Variants in KIF5A observed in about 807,000 individuals in gnomAD.
KIF5A encodes the protein kinesin family member 5A.
KIF5A carries 35 observed loss-of-function variants against 141.3 expected under a neutral mutation model. The observed-to-expected ratio is 0.25, with a 90% CI of 0.19 to 0.33. The LOEUF is 0.33. KIF5A is among the 10% of genes least tolerant of loss of function. KIF5A has a pLI of 1.00. For missense variants in KIF5A, 861 were observed against 1,314.3 expected, an observed-to-expected ratio of 0.66 and a Z score of 5.33; for synonymous variants, 448 against 500.2, an observed-to-expected ratio of 0.90 and a Z score of 1.39.
At chr12:57,560,373 T>G (rs1004972249) in intron 1 of KIF5A, among the ~76,000 whole-genome samples, 1 of 152,216 alleles carries the variant, frequency 6.6e-6, no homozygotes, top group Non-Finnish European at 1.5e-5. Flanking sequence ...TTCCATGATA[T>G]CAATTCTTAG....
chr12:57,571,081 A>G (rs1202924243), intron 12 of KIF5A, among the ~76,000 whole-genome samples: 1 of 151,564 alleles, frequency 6.6e-6, no homozygotes, highest in Non-Finnish European at 1.5e-5. Context: ...GATTAAAGGC[A>G]TGCACCACCA....
chr12:57,554,021 T>C (rs1881659332), intron 1 of KIF5A, among the ~76,000 whole-genome samples: 1 of 151,556 alleles, frequency 6.6e-6, no homozygotes, highest in African/African-American at 2.4e-5. Context: ...GGGATTGAGG[T>C]TGGAAAAAGG....
intron 27 of KIF5A, 168 bp from the exon 28 acceptor site, chr12:57,582,933 G>C: frequency 2.9e-6 from 2 of 695,284 alleles, no homozygotes; most frequent in Non-Finnish European, 5.1e-6. Flanking sequence ...TGTGACATTG[G>C]ACAAGTCATT....
chr12:57,550,998 G>A lies in KIF5A; in HGVS notation c.129+598G>A, dbSNP rs922575635. Among the ~76,000 whole-genome samples the A allele has an allele frequency of 2.0e-5, 3 of 152,084 alleles. No individual in the cohort carries two copies. Among genetic ancestry groups the A allele is most frequent in the African/African-American group, 4.8e-5 (2 of 41,404 alleles). The stretch of plus-strand genomic sequence containing the variant: ...ATCATTGATGCCACACCCAATCTTG[G>A]GGGGAGCCTCTGGAATCCTAAGGTC... On this transcript the variant is annotated intron_variant, in intron 1 of 28. Coordinates refer to ENST00000455537, the MANE Select transcript of KIF5A (RefSeq NM_004984.4). This position sits in a 1 kb window ranked among gnomAD's most constrained non-coding sequence, Gnocchi z 4.6.
chr12:57,576,300 G>A lies in KIF5A; in HGVS notation c.2120G>A (p.Arg707Gln), dbSNP rs1360689553. ...CTGGAGCTGCAGATGGAGAGTCACC[G>A]GGAGGCCCATCACCGGCAGCTGGCC... The part of the protein sequence containing the change: ...KALELQMESH[R>Q]EAHHRQLARL... Residue 707 changes from arginine (R) to glutamine (Q), a missense_variant, in exon 19 of 29, where the codon CGG becomes CAG. Coordinates refer to ENST00000455537, the MANE Select transcript of KIF5A (RefSeq NM_004984.4). 5.0e-6 allele frequency: 8 copies of A among 1,613,932 alleles called. No homozygotes were observed. The highest frequency in any genetic ancestry group is 2.7e-5 in the African/African-American group (2 of 74,924).
intron 1 of KIF5A, among the ~76,000 whole-genome samples, chr12:57,555,102 C>T (rs917064219): frequency 6.6e-6 from 1 of 152,170 alleles, no homozygotes; most frequent in African/African-American, 2.4e-5. Context: ...CATGGAGTGG[C>T]CTGCGCAGAG....
intron 6 of KIF5A, among the ~76,000 whole-genome samples, 170 bp downstream of exon 6, chr12:57,565,143 G>A (rs939063839): frequency 6.6e-6 from 1 of 152,168 alleles, no homozygotes; most frequent in Non-Finnish European, 1.5e-5. Flanking sequence ...GTCTTGGCTG[G>A]GCATGGTGGC....
Position 57,567,207 on chromosome 12 carries a change from G to T in KIF5A, c.583G>T (p.Val195Phe), listed in dbSNP as rs762585533. The T allele has an allele frequency of 6.2e-7, 1 of 1,610,266 alleles. No individual in the cohort carries two copies. Among genetic ancestry groups the T allele is most frequent in the South Asian group, 1.1e-5 (1 of 91,028 alleles). The part of the protein sequence containing the change: ...DEGKSNRHVA[V>F]TNMNEHSSRS... ...AGGGAAATCAAATCGTCATGTGGCTGTCACCAGTGAGTGAGGATACAAGGG... is the reference window on the plus strand; with the variant it reads ...AGGGAAATCAAATCGTCATGTGGCTTTCACCAGTGAGTGAGGATACAAGGG... Residue 195 changes from valine to phenylalanine, a missense_variant, in exon 7 of 29, where the codon GTC becomes TTC. Transcript: ENST00000455537.
At chr12:57,579,973 T>TA (rs1882545879) in intron 23 of KIF5A, among the ~76,000 whole-genome samples, 1 of 151,460 alleles carries the variant, frequency 6.6e-6, no homozygotes, top group Admixed American at 6.6e-5. Context: ...GACACAAGAG[T>TA]AAAAAGGAAA....
intron 6 of KIF5A, among the ~76,000 whole-genome samples, chr12:57,566,413 T>G (rs1240678083): frequency 3.5e-5 from 5 of 142,286 alleles, no homozygotes; most frequent in South Asian, 2.2e-4. Context: ...TGCGACAGTG[T>G]TTTTTTTTTT....
intron 17 of KIF5A, 151 bp downstream of exon 17, chr12:57,575,908 T>G: frequency 4.4e-6 from 4 of 908,086 alleles, no homozygotes; most frequent in Non-Finnish European, 7.4e-6. Flanking sequence ...ATGTAGCTCA[T>G]TTTACATTAA....
In KIF5A at chr12:57,576,172, G is replaced by A. The variant is rs200230112; in HGVS notation, c.2088+21G>A. ...TGAAGGTGAGTAAGGAAGGTGTCAG[G>A]GACAATTGGGGCCTGGTGTGGTGAA... On this transcript the variant is annotated intron_variant, in intron 18 of 28. Coordinates refer to ENST00000455537, the MANE Select transcript of KIF5A (RefSeq NM_004984.4). 3.4e-3 allele frequency: 5,509 copies of A among 1,613,052 alleles called. 16 individuals are homozygous for A. The highest frequency in any genetic ancestry group is 4.3e-3 in the Non-Finnish European group (5,074 of 1,178,992).
At position 57,556,339 on chromosome 12, in the gene KIF5A, C is replaced by A. The variant is rs369015384; in HGVS notation, c.129+5939C>A. Reference sequence around the variant, plus strand: ...ATTTTTAGTGGAGACGGGGTTTCACCGTGTTAGCCAGGATGGTCTCGATCT... The same window carrying A: ...ATTTTTAGTGGAGACGGGGTTTCACAGTGTTAGCCAGGATGGTCTCGATCT... On this transcript the variant is annotated intron_variant, in intron 1 of 28. Transcript: ENST00000455537. 4.6e-5 allele frequency among the ~76,000 whole-genome samples: 7 copies of A among 151,972 alleles called. No homozygotes were observed. In the East Asian group the frequency reaches 1.4e-3, roughly 29 times the overall value.
intron 16 of KIF5A, 30 bp from the exon 17 acceptor site, chr12:57,575,607 ATCT>A: frequency 1.3e-6 from 2 of 1,571,792 alleles, no homozygotes; most frequent in Non-Finnish European, 8.8e-7. Flanking sequence ...CCTTTGCTCC[ATCT>A]TCTTCCTCTC....
At position 57,578,320 on chromosome 12, in the gene KIF5A, A is replaced by G; in HGVS notation, c.2516A>G (p.Gln839Arg). Residue 839 changes from glutamine to arginine, a missense_variant, in exon 23 of 29, where the codon CAG becomes CGG. Around this residue, in one of 5 missense-constraint regions of KIF5A, gnomAD observed 482 missense variants for 661.3 expected, o/e 0.73. Coordinates refer to ENST00000455537, the MANE Select transcript of KIF5A (RefSeq NM_004984.4). ...TCCTTTCTTGAGAACAACCTGGAAC[A>G]GCTTACAAAGGTTCACAAACAGGTA... Reference protein sequence around the residue: ...KISFLENNLEQLTKVHKQLVR... With the variant: ...KISFLENNLERLTKVHKQLVR... 6.2e-7 allele frequency: 1 copy of G among 1,613,778 alleles called. No homozygotes were observed. Among genetic ancestry groups the G allele is most frequent in the Non-Finnish European group, 8.5e-7 (1 of 1,179,640 alleles).
rs767928175 is a variant in KIF5A, at chr12:57,581,440, C to T, written c.2781C>T (p.Tyr927=). 33 of 1,613,936 alleles carry T rather than the reference C, an allele frequency of 2.0e-5. No individual in the cohort carries two copies. The highest frequency in any genetic ancestry group is 1.6e-4 in the Middle Eastern group (1 of 6,084). ...CCAAACCCGTCCGGCCTGGCCACTA[C>T]CCAGCATCCTCACCCACCAACCCCT... ...QIAKPVRPGH[Y]PASSPTNPYG... Residue 927 remains tyrosine, a synonymous_variant, in exon 25 of 29, where the codon TAC becomes TAT. Transcript: ENST00000455537.
chr12:57,571,251 C>T, intron 12 of KIF5A, 70 bp from the exon 13 acceptor site: 2 of 955,032 alleles, frequency 2.1e-6, no homozygotes, highest in Non-Finnish European at 3.5e-6. Context: ...GCCTCTACCC[C>T]CAAACTTCTT....
intron 21 of KIF5A, 103 bp downstream of exon 21, chr12:57,577,876 C>A: frequency 8.0e-7 from 1 of 1,254,460 alleles, no homozygotes; most frequent in Non-Finnish European, 1.2e-6. Context: ...CATTCTGTAG[C>A]GTAATCAAGA....
chr12:57,558,149 G>C (rs1400973867), intron 1 of KIF5A, among the ~76,000 whole-genome samples: 1 of 152,020 alleles, frequency 6.6e-6, no homozygotes, highest in Non-Finnish European at 1.5e-5. Context: ...GCTCATGCCT[G>C]TAATCTAAGC....
Sources: allele counts gnomAD v4.1 joint callset (sites outside exome capture counted in the v4.1 genomes callset), GRCh38; gene constraint gnomAD v4.1.1; regional missense constraint gnomAD v4.1.1; non-coding constraint Gnocchi (gnomAD v3.1); transcripts MANE v1.5; gene names NCBI Gene and HGNC (gene_info 2026-07-23, HGNC 2026-07-21).